The following DNAH14 variants were observed in gnomAD, a reference collection of about 807,000 sequenced individuals.
DNAH14 encodes dynein axonemal heavy chain 14, also known as axonemal beta dynein heavy chain 14.
In DNAH14, 478 loss-of-function variants were observed where a neutral mutation model predicts 520.9. The ratio of observed to expected loss-of-function variants is 0.92; its 90% CI spans 0.85 to 0.99. The LOEUF (loss-of-function observed/expected upper bound fraction) is 0.99. Among genes scored for constraint, DNAH14 ranks in the 50% least tolerant of loss-of-function variants. The probability of loss-of-function intolerance (pLI) is 0.00; values close to 1 mark genes in which losing one functional copy is unlikely to be tolerated. For missense variants in DNAH14, 4,831 were observed against 5,234.5 expected (o/e 0.92, Z 2.38); for synonymous variants, 1,581 against 1,757.2 (o/e 0.90, Z 2.51).
intron 43 of DNAH14, among the ~76,000 whole-genome samples, chr1:225,249,482 A>G (rs1395759912): frequency 1.3e-5 from 2 of 152,294 alleles, no homozygotes; most frequent in East Asian, 1.9e-4. Context: ...AGTAAATGAG[A>G]TGAGCCCTAT....
intron 85 of DNAH14, 75 bp downstream of exon 85, chr1:225,398,741 C>A: frequency 6.7e-7 from 1 of 1,489,568 alleles, no homozygotes; most frequent in South Asian, 1.3e-5. Flanking sequence ...CACTCTTATT[C>A]CCATTCCCTA....
At chr1:224,956,720 G>T (rs1039410658) in intron 3 of DNAH14, among the ~76,000 whole-genome samples, 2 of 152,020 alleles carry the variant, frequency 1.3e-5, no homozygotes, top group Non-Finnish European at 2.9e-5. Context: ...TTCATCCTCT[G>T]CCTGAAGATG....
intron 37 of DNAH14, among the ~76,000 whole-genome samples, chr1:225,185,750 C>T (rs1475506183): frequency 6.6e-6 from 1 of 151,550 alleles, no homozygotes; most frequent in East Asian, 1.9e-4. Flanking sequence ...TATAACTTCT[C>T]TTCTTAATGA....
intron 1 of DNAH14, among the ~76,000 whole-genome samples, chr1:224,948,917 A>G (rs1011708395): frequency 2.0e-5 from 3 of 152,176 alleles, no homozygotes; most frequent in Non-Finnish European, 4.4e-5. Flanking sequence ...TCCCATAAGA[A>G]ATAATTATTG....
At chr1:224,995,162 G>A (rs965787489) in intron 8 of DNAH14, among the ~76,000 whole-genome samples, 1 of 152,042 alleles carries the variant, frequency 6.6e-6, no homozygotes, top group Admixed American at 6.6e-5. Context: ...CTTGATTTAT[G>A]TTATCATTTA....
chr1:225,093,647 A>G (rs1399815049), intron 21 of DNAH14, among the ~76,000 whole-genome samples: 1 of 152,168 alleles, frequency 6.6e-6, no homozygotes, highest in African/African-American at 2.4e-5. Context: ...ATTAGGGAAG[A>G]GAAAGAAATG....
rs927670675 is a variant in DNAH14, at chr1:225,192,717, G to A, written c.5692G>A (p.Val1898Ile). 21 of 1,548,340 alleles carry A rather than the reference G, an allele frequency of 1.4e-5. No homozygotes were observed. Among genetic ancestry groups the A allele is most frequent in the Non-Finnish European group, 1.5e-5 (17 of 1,144,970 alleles). The change falls in exon 38 of 86, where the codon GTA becomes ATA. Residue 1898 changes from valine to isoleucine, a missense_variant. Coordinates refer to ENST00000682510, the MANE Select transcript of DNAH14 (RefSeq NM_001367479.1). ...ASKISERKGK[V>I]DICVLNPKCV... ...CCAGATTTCAGAAAGAAAAGGAAAA[G>A]TAGATATTTGTGTTTTAAATCCAAA... is the stretch of plus-strand genomic sequence containing the variant.
chr1:224,987,330 AAG>A (rs1225572655), intron 8 of DNAH14, among the ~76,000 whole-genome samples: 2 of 152,300 alleles, frequency 1.3e-5, no homozygotes, highest in East Asian at 3.9e-4. Context: ...TGAGGATGGG[AAG>A]AGAGAGACAG....
intron 28 of DNAH14, among the ~76,000 whole-genome samples, chr1:225,142,425 T>C (rs1160007342): frequency 6.6e-6 from 1 of 152,198 alleles, no homozygotes; most frequent in East Asian, 1.9e-4. Flanking sequence ...CAGCTCAAAA[T>C]AGTTCCGTTT....
intron 42 of DNAH14, among the ~76,000 whole-genome samples, chr1:225,236,924 A>G (rs757460792): frequency 1.3e-5 from 2 of 152,100 alleles, no homozygotes. Flanking sequence ...ATGTAATCAT[A>G]TACATAATCA....
chr1:225,388,332 C>T, intron 81 of DNAH14, 47 bp from the exon 82 acceptor site: 2 of 1,247,408 alleles, frequency 1.6e-6, no homozygotes, highest in Non-Finnish European at 2.3e-6. Context: ...CTAATGACCC[C>T]AAAGACAAAG....
chr1:225,077,480 T>A lies in DNAH14; in HGVS notation c.2425-1727T>A, dbSNP rs548874540. Among the ~76,000 whole-genome samples the A allele has an allele frequency of 7.7e-5, 9 of 116,292 alleles. No homozygotes were observed. The South Asian group carries it at 2.9e-3, about 38-fold the overall frequency. The allele number at this position is 116,292 out of a possible 152,430, so 76.3% of individuals were successfully genotyped here. The stretch of plus-strand genomic sequence containing the variant: ...TGGAATTATTTGGTTGTTTGTGATA[T>A]AAATGTGTATTTCAAAATTTTTTGG... On this transcript the variant is annotated intron_variant, in intron 17 of 85. Transcript: ENST00000682510.
intron 49 of DNAH14, among the ~76,000 whole-genome samples, chr1:225,269,786 C>T (rs1216893731): frequency 6.6e-6 from 1 of 152,150 alleles, no homozygotes; most frequent in East Asian, 1.9e-4. Flanking sequence ...CCATCTCACA[C>T]CAGTTAGAAT....
intron 42 of DNAH14, among the ~76,000 whole-genome samples, chr1:225,237,379 T>C (rs774562762): frequency 3.9e-5 from 6 of 152,178 alleles, no homozygotes; most frequent in Admixed American, 6.6e-5. Flanking sequence ...CTATGAAGCT[T>C]AGTTTGACTG....
intron 74 of DNAH14, among the ~76,000 whole-genome samples, 170 bp downstream of exon 74, chr1:225,358,822 A>G (rs1413212438): frequency 6.6e-6 from 1 of 152,114 alleles, no homozygotes; most frequent in Non-Finnish European, 1.5e-5. Flanking sequence ...CATGATAGTG[A>G]GTGAGTCTCT....
chr1:225,216,689 G>T (rs978075674), intron 41 of DNAH14, among the ~76,000 whole-genome samples: 2 of 151,944 alleles, frequency 1.3e-5, no homozygotes, highest in Non-Finnish European at 2.9e-5. Context: ...GATCAAATTG[G>T]CTACTGAAGC....
intron 46 of DNAH14, among the ~76,000 whole-genome samples, chr1:225,260,373 T>G (rs1413110671): frequency 6.6e-6 from 1 of 151,770 alleles, no homozygotes; most frequent in Non-Finnish European, 1.5e-5. Context: ...AAAAATCCAT[T>G]CAGCCATTGA....
chr1:224,963,166 TG>T (rs2060947507), intron 4 of DNAH14, among the ~76,000 whole-genome samples: 2 of 152,250 alleles, frequency 1.3e-5, no homozygotes, highest in South Asian at 2.1e-4. Context: ...TTGAAATATT[TG>T]GTATAGTAAT....
intron 66 of DNAH14, among the ~76,000 whole-genome samples, chr1:225,335,304 TAC>T (rs1254900073): frequency 7.1e-6 from 1 of 140,790 alleles, no homozygotes; most frequent in Non-Finnish European, 1.5e-5. Flanking sequence ...TACACATGTG[TAC>T]ACGTGTGTAT....
Sources: gnomAD v4.1 joint callset for allele counts (sites outside exome capture counted in the v4.1 genomes callset) on GRCh38, gnomAD v4.1.1 for gene constraint, MANE v1.5 for transcripts, NCBI Gene and HGNC (gene_info 2026-07-23, HGNC 2026-07-21) for gene names.